ARFGAP3: variants seen among roughly 807,000 people sequenced by gnomAD.
ARFGAP3 encodes the protein ARF GTPase activating protein 3.
ARFGAP3 carries 72 observed loss-of-function variants against 75.0 expected under a neutral mutation model. The ratio of observed to expected loss-of-function variants is 0.96; its 90% confidence interval spans 0.79 to 1.17. ARFGAP3 has a LOEUF of 1.17. Among genes scored for constraint, ARFGAP3 ranks in the 50% most tolerant of loss-of-function variants. ARFGAP3 has a pLI of 0.00. For synonymous variants in ARFGAP3, 221 were observed against 217.9 expected, an observed-to-expected ratio of 1.01 and a Z score of -0.13; for missense variants, 620 against 626.6, an observed-to-expected ratio of 0.99 and a Z score of 0.11.
At chr22:42,847,055 T>C (rs1049918694) in intron 2 of ARFGAP3, among the ~76,000 whole-genome samples, 3 of 152,258 alleles carry the variant, frequency 2.0e-5, no homozygotes, top group African/African-American at 7.2e-5. Flanking sequence ...CCTTTTCCTA[T>C]AAAGCCGCTT....
At chr22:42,805,835 G>C (rs954153877) in intron 14 of ARFGAP3, among the ~76,000 whole-genome samples, 1 of 152,190 alleles carries the variant, frequency 6.6e-6, no homozygotes, top group South Asian at 2.1e-4. Flanking sequence ...TGGCTCCTTG[G>C]GCTGCCTGGC....
chr22:42,841,983 C>T (rs1199352395), intron 2 of ARFGAP3, among the ~76,000 whole-genome samples: 8 of 149,918 alleles, frequency 5.3e-5, no homozygotes, highest in Non-Finnish European at 8.9e-5. Context: ...TCTCAACCTC[C>T]CAAGTAGATG....
chr22:42,817,773 A>T lies in ARFGAP3; in HGVS notation c.897T>A (p.Asn299Lys), dbSNP rs1569146078. 6.2e-7 allele frequency: 1 copy of T among 1,611,468 alleles called. No homozygotes were observed. Among genetic ancestry groups the T allele is most frequent in the Non-Finnish European group, 8.5e-7 (1 of 1,178,604 alleles). ...DEKMNISGKK[N>K]VDSDRLGMGF... is the part of the protein sequence containing the mutation. ...CCATGCCGAGTCTGTCTGAGTCAACATTTTTTTTGCCACTAATGTTCATCT... is the reference window on the plus strand; with the variant it reads ...CCATGCCGAGTCTGTCTGAGTCAACTTTTTTTTTGCCACTAATGTTCATCT... Residue 299 changes from asparagine to lysine, a missense_variant, in exon 10 of 16, where the codon AAT becomes AAA. Transcript: ENST00000263245.
chr22:42,817,208 A>G lies in ARFGAP3; in HGVS notation c.998T>C (p.Ile333Thr). 11 of 1,613,784 alleles carry G rather than the reference A, an allele frequency of 6.8e-6. No individual in the cohort carries two copies. The highest frequency in any genetic ancestry group is 9.3e-6 in the Non-Finnish European group (11 of 1,179,828). The part of the protein sequence containing the change: ...DMQTIEQESP[I>T]MAKPRKKYND... ...ATACTTTTTTCTTGGTTTTGCCATA[A>G]TGGGTGATTCCTGCTCTATGGTCTG... Residue 333 changes from isoleucine to threonine, a missense_variant, in exon 11 of 16, where the codon ATT (isoleucine) becomes ACT (threonine). Coordinates refer to ENST00000263245, the MANE Select transcript of ARFGAP3 (RefSeq NM_014570.5).
At chr22:42,855,134 T>C (rs1400010405) in intron 1 of ARFGAP3, among the ~76,000 whole-genome samples, 1 of 152,202 alleles carries the variant, frequency 6.6e-6, no homozygotes, top group African/African-American at 2.4e-5. Flanking sequence ...AGGGACAAAG[T>C]GGTCAAGTAA....
Position 42,838,348 on chromosome 22 carries a change from AGT to A in ARFGAP3, c.261+2594_261+2595del, listed in dbSNP as rs532106622. ...GGTCTTGCTCTGTCACCCAGGCTGG[AGT>A]GTAATGGCATGATCACAGCTCAGTG... On this transcript the variant is annotated intron_variant, in intron 3 of 15. Transcript: ENST00000263245. 2.7e-3 allele frequency among the ~76,000 whole-genome samples: 361 copies of A among 135,732 alleles called. 3 individuals are homozygous for A. Among genetic ancestry groups the A allele is most frequent in the African/African-American group, 9.7e-3 (342 of 35,132 alleles). The allele number at this position is 135,732 out of a possible 152,430, so 89.0% of individuals were successfully genotyped here.
intron 6 of ARFGAP3, among the ~76,000 whole-genome samples, chr22:42,830,428 C>A (rs1926235025): frequency 6.6e-6 from 1 of 152,198 alleles, no homozygotes; most frequent in Admixed American, 6.5e-5. Context: ...TACCATCACC[C>A]AACCCGCGGT....
At chr22:42,814,363 C>A (rs1925490222) in intron 11 of ARFGAP3, among the ~76,000 whole-genome samples, 1 of 152,186 alleles carries the variant, frequency 6.6e-6, no homozygotes, top group African/African-American at 2.4e-5. Flanking sequence ...GTGGTGGTCA[C>A]CATGCCAAGG....
chr22:42,802,531 G>A (rs1267229550), intron 14 of ARFGAP3, among the ~76,000 whole-genome samples: 2 of 150,504 alleles, frequency 1.3e-5, no homozygotes, highest in Non-Finnish European at 3.0e-5. Flanking sequence ...CTGACCTTGT[G>A]ATCCACCCGC....
At chr22:42,803,773 G>A (rs890667503) in intron 14 of ARFGAP3, among the ~76,000 whole-genome samples, 3 of 152,162 alleles carry the variant, frequency 2.0e-5, no homozygotes, top group African/African-American at 7.2e-5. Context: ...ACGGCCGCAG[G>A]TCTCCTGGGC....
chr22:42,846,207 C>T (rs1417814032), intron 2 of ARFGAP3, among the ~76,000 whole-genome samples: 1 of 152,170 alleles, frequency 6.6e-6, no homozygotes, highest in African/African-American at 2.4e-5. Context: ...GGTTCCTTCC[C>T]TAGAAAAGAT....
Position 42,831,625 on chromosome 22 carries a change from T to C in ARFGAP3, c.489A>G (p.Thr163=). The change falls in exon 6 of 16, where the codon ACA becomes ACG. Residue 163 remains threonine (T), a synonymous_variant. Transcript: ENST00000263245. The stretch of plus-strand genomic sequence containing the variant: ...GTTCTGCTATTGCTGATGCCCACGC[T>C]GTGTCACTCACCTGAAACAAGGCGA... ...ASHVSPEVSD[T]AWASAIAEPS... 6.2e-7 allele frequency: 1 copy of C among 1,614,008 alleles called. No homozygotes were observed. The highest frequency in any genetic ancestry group is 8.5e-7 in the Non-Finnish European group (1 of 1,179,960).
intron 2 of ARFGAP3, among the ~76,000 whole-genome samples, chr22:42,846,422 C>T (rs1927021926): frequency 6.6e-6 from 1 of 152,184 alleles, no homozygotes; most frequent in Admixed American, 6.5e-5. Flanking sequence ...TCCTGCCTCC[C>T]ACTGGACTGT....
At chr22:42,806,189 C>T (rs1472627935) in intron 14 of ARFGAP3, among the ~76,000 whole-genome samples, 1 of 152,138 alleles carries the variant, frequency 6.6e-6, no homozygotes, top group Non-Finnish European at 1.5e-5. Flanking sequence ...CTCCCCTTGG[C>T]TCTCCTGCTG....
chr22:42,853,519 T>C, intron 1 of ARFGAP3: 1 of 213,024 alleles, frequency 4.7e-6, no homozygotes, highest in Non-Finnish European at 1.0e-5. Flanking sequence ...CTGGATGAGC[T>C]GACATGGAGA....
At chr22:42,829,369 C>A (rs1474551673) in intron 6 of ARFGAP3, among the ~76,000 whole-genome samples, 2 of 152,186 alleles carry the variant, frequency 1.3e-5, no homozygotes, top group Non-Finnish European at 2.9e-5. Flanking sequence ...CCATGCCAAT[C>A]AAGGCAGAGC....
At chr22:42,821,193 C>T (rs1198386324) in intron 9 of ARFGAP3, among the ~76,000 whole-genome samples, 2 of 152,190 alleles carry the variant, frequency 1.3e-5, no homozygotes, top group Non-Finnish European at 2.9e-5. Context: ...TCACAGAGTC[C>T]AACAGGGCTT....
Position 42,797,563 on chromosome 22 carries a change from G to A in ARFGAP3, c.*25C>T. 1.2e-6 allele frequency: 2 copies of A among 1,614,062 alleles called. No individual in the cohort carries two copies. Among genetic ancestry groups the A allele is most frequent in the Non-Finnish European group, 8.5e-7 (1 of 1,179,952 alleles). ...GTTCATTTAAAGAGGAATTTCTCCA[G>A]GAAATACACATCATGACTTCAGTAT... On this transcript the variant is annotated 3_prime_UTR_variant, in exon 16 of 16. Coordinates refer to ENST00000263245, the MANE Select transcript of ARFGAP3 (RefSeq NM_014570.5).
intron 3 of ARFGAP3, 98 bp downstream of exon 3, chr22:42,840,846 C>T (rs566186929): frequency 2.9e-5 from 36 of 1,251,078 alleles, no homozygotes; most frequent in Non-Finnish European, 3.5e-5. Context: ...GCTGAGATTA[C>T]AGGCATGAGC....
Sources: allele counts gnomAD v4.1 joint callset (sites outside exome capture counted in the v4.1 genomes callset), GRCh38; gene constraint gnomAD v4.1.1; transcripts MANE v1.5; gene names NCBI Gene and HGNC (gene_info 2026-07-23, HGNC 2026-07-21).